RNF170: variants seen among roughly 807,000 people sequenced by gnomAD.
RNF170 encodes ring finger protein 170.
A neutral mutation model predicts 32.7 loss-of-function variants in RNF170; 12 were observed. The ratio of observed to expected loss-of-function variants is 0.37; its 90% CI spans 0.24 to 0.60. The LOEUF is 0.60. Ranked by LOEUF, RNF170 falls within the 20% of genes least tolerant of loss-of-function variation. The pLI is 0.72. For synonymous variants in RNF170, 91 were observed against 103.6 expected (o/e 0.88, Z 0.74); for missense variants, 212 against 311.2 (o/e 0.68, Z 2.40).
At chr8:42,878,871 A>C (rs1805163581) in intron 2 of RNF170, among the ~76,000 whole-genome samples, 1 of 152,202 alleles carries the variant, frequency 6.6e-6, no homozygotes, top group Non-Finnish European at 1.5e-5. Flanking sequence ...GTGACTTTTA[A>C]GTTGCAGCCA....
intron 4 of RNF170, among the ~76,000 whole-genome samples, chr8:42,866,008 A>C (rs1437171544): frequency 6.6e-6 from 1 of 152,156 alleles, no homozygotes; most frequent in Non-Finnish European, 1.5e-5. Context: ...AAGTTAAGCT[A>C]CAGTTGTACA....
upstream of RNF170, chr8:42,897,218 AC>A (rs141707234): frequency 6.2e-3 from 7,600 of 1,221,652 alleles, 367 homozygotes; most frequent in African/African-American, 0.11. Context: ...CGGCGGGAAG[AC>A]CCCCTCCCCC....
intron 2 of RNF170, among the ~76,000 whole-genome samples, chr8:42,884,912 G>C (rs1165362208): frequency 6.6e-6 from 1 of 151,482 alleles, no homozygotes; most frequent in Non-Finnish European, 1.5e-5. Context: ...ATGTTGGCCA[G>C]GCTGGTCTTG....
chr8:42,851,218 C>T (rs781496983), downstream of RNF170, among the ~76,000 whole-genome samples: 2 of 151,906 alleles, frequency 1.3e-5, no homozygotes, highest in Admixed American at 6.6e-5. Context: ...TGATAGGATT[C>T]GACATGTCAA....
intron 3 of RNF170, among the ~76,000 whole-genome samples, chr8:42,873,083 C>CA (rs1394996829): frequency 6.6e-6 from 1 of 151,934 alleles, no homozygotes; most frequent in Non-Finnish European, 1.5e-5. Flanking sequence ...TTAGTAGAGA[C>CA]AGAGTTTTGT....
rs988981001 is a variant in RNF170 at position 42,853,353 on chromosome 8, T to G, written c.*2806A>C. 1.3e-5 allele frequency: 16 copies of G among 1,249,660 alleles called. No homozygotes were observed. Among genetic ancestry groups the G allele is most frequent in the Non-Finnish European group, 1.7e-5 (16 of 969,174 alleles). 77.4% of individuals were successfully genotyped at this position (1,249,660 alleles called of 1,614,324 possible). A position where few individuals can be genotyped will look rare whatever the true frequency, so the allele number is the denominator to read the frequency against. On this transcript the variant is annotated 3_prime_UTR_variant, in exon 7 of 7. Transcript: ENST00000527424. ...AAGAATAAAATGCTTGACAAACTCT[T>G]TAATCACAAGGTTTGAACCAAACCA...
At chr8:42,888,725 C>T (rs1056329863) in intron 1 of RNF170, among the ~76,000 whole-genome samples, 1 of 152,098 alleles carries the variant, frequency 6.6e-6, no homozygotes, top group Non-Finnish European at 1.5e-5. Context: ...CGCCACTGTA[C>T]TCCAGCCTGG....
chr8:42,863,297 CAT>C (rs1462976415), intron 5 of RNF170, among the ~76,000 whole-genome samples: 1 of 152,088 alleles, frequency 6.6e-6, no homozygotes, highest in African/African-American at 2.4e-5. Flanking sequence ...CTACTGTACA[CAT>C]GTCCTATGAA....
chr8:42,878,204 G>A (rs1399566723), intron 2 of RNF170, among the ~76,000 whole-genome samples: 9 of 152,116 alleles, frequency 5.9e-5, no homozygotes, highest in African/African-American at 1.7e-4. Context: ...ACTCTATAGT[G>A]GCCTCTAGGT....
intron 1 of RNF170, among the ~76,000 whole-genome samples, chr8:42,894,560 CAT>C (rs1322177644): frequency 2.2e-4 from 33 of 152,250 alleles, no homozygotes; most frequent in South Asian, 1.0e-3. Flanking sequence ...GCGAGACACA[CAT>C]GTGTAATTTT....
At chr8:42,867,452 TA>T (rs1804176743) in intron 4 of RNF170, among the ~76,000 whole-genome samples, 1 of 51,382 alleles carries the variant, frequency 1.9e-5, no homozygotes, top group African/African-American at 8.4e-5. Flanking sequence ...GCCTGGGCAA[TA>T]AGAGCAAAAC....
chr8:42,877,292 C>G (rs1805026841), intron 2 of RNF170, among the ~76,000 whole-genome samples: 1 of 152,104 alleles, frequency 6.6e-6, no homozygotes, highest in African/African-American at 2.4e-5. Flanking sequence ...AATCTTGGCT[C>G]CCTGCAACTT....
At chr8:42,890,157 T>C (rs1280994850) in intron 1 of RNF170, among the ~76,000 whole-genome samples, 1 of 151,808 alleles carries the variant, frequency 6.6e-6, no homozygotes, top group Non-Finnish European at 1.5e-5. Context: ...TTTGTTTCTA[T>C]GTCCTTCAAG....
At chr8:42,896,051 A>G (rs1806804090) in intron 1 of RNF170, 2 of 182,582 alleles carry the variant, frequency 1.1e-5, no homozygotes, top group Admixed American at 6.3e-5. Flanking sequence ...GTGCCTCTAA[A>G]GAGGTGGAAG....
At chr8:42,889,749 T>C (rs562361219) in intron 1 of RNF170, among the ~76,000 whole-genome samples, 18 of 152,326 alleles carry the variant, frequency 1.2e-4, no homozygotes, top group East Asian at 1.9e-4. Flanking sequence ...ACAGCTCTAA[T>C]TGCAGTATTT....
intron 2 of RNF170, among the ~76,000 whole-genome samples, chr8:42,877,643 AGG>A (rs2128941823): frequency 6.6e-6 from 1 of 152,354 alleles, no homozygotes; most frequent in African/African-American, 2.4e-5. Context: ...AATGCATCAA[AGG>A]GCCAAACTTA....
Position 42,870,544 on chromosome 8 carries a change from T to C in RNF170, c.214-432A>G, listed in dbSNP as rs1416645559. On this transcript the variant is annotated intron_variant, in intron 3 of 6. Coordinates refer to ENST00000527424, the MANE Select transcript of RNF170 (RefSeq NM_030954.4). ...GAGTTCCAGACGAGCCTGGGCAACA[T>C]GGCAAAACCCCATCTCTACAAAAAA... is the stretch of plus-strand genomic sequence containing the variant. 3.9e-5 allele frequency among the ~76,000 whole-genome samples: 6 copies of C among 151,972 alleles called. No individual in the cohort carries two copies. In the East Asian group the frequency reaches 1.2e-3, roughly 30 times the overall value.
chr8:42,884,362 G>A (rs992724588), intron 2 of RNF170, among the ~76,000 whole-genome samples: 4 of 152,100 alleles, frequency 2.6e-5, no homozygotes, highest in Non-Finnish European at 5.9e-5. Flanking sequence ...AGGATTACAG[G>A]CATGAGCCAC....
intron 1 of RNF170, among the ~76,000 whole-genome samples, chr8:42,893,961 A>C (rs1806525485): frequency 6.6e-6 from 1 of 152,154 alleles, no homozygotes; most frequent in African/African-American, 2.4e-5. Flanking sequence ...ACCTCTCCTC[A>C]GGCATTTCCA....
Sources: allele counts gnomAD v4.1 joint callset (sites outside exome capture counted in the v4.1 genomes callset), GRCh38; gene constraint gnomAD v4.1.1; transcripts MANE v1.5; gene names NCBI Gene and HGNC (gene_info 2026-07-23, HGNC 2026-07-21).